Variants in PTPRD observed in about 807,000 individuals in gnomAD.
PTPRD encodes the protein protein tyrosine phosphatase receptor type D, also known as receptor-type tyrosine-protein phosphatase delta.
PTPRD carries 34 observed loss-of-function variants against 214.5 expected under a neutral mutation model. The ratio of observed to expected loss-of-function variants is 0.16; its 90% confidence interval spans 0.12 to 0.21. The LOEUF is 0.21. Among genes scored for constraint, PTPRD ranks in the 10% least tolerant of loss-of-function variants. The pLI, the probability that PTPRD is intolerant of heterozygous loss-of-function variation, is 1.00. For missense variants in PTPRD, 2,545 were observed against 2,398.7 expected, an observed-to-expected ratio of 1.06 and a Z score of -1.27; for synonymous variants, 1,128 against 845.7, an observed-to-expected ratio of 1.33 and a Z score of -5.79.
At chr9:9,583,686 G>A (rs2091333256) in intron 7 of PTPRD, among the ~76,000 whole-genome samples, 1 of 151,994 alleles carries the variant, frequency 6.6e-6, no homozygotes, top group Non-Finnish European at 1.5e-5. Flanking sequence ...CCATGTGAAA[G>A]TTCACAAGAT....
At chr9:10,330,781 T>C (rs1470702464) in intron 3 of PTPRD, among the ~76,000 whole-genome samples, 1 of 151,736 alleles carries the variant, frequency 6.6e-6, no homozygotes, top group Non-Finnish European at 1.5e-5. Context: ...TGACTTAATA[T>C]AGGCAGAGGG....
At chr9:9,407,794 G>A (rs762905209) in intron 8 of PTPRD, among the ~76,000 whole-genome samples, 6 of 151,608 alleles carry the variant, frequency 4.0e-5, no homozygotes, top group Admixed American at 2.6e-4. Flanking sequence ...CCTTGTACAC[G>A]CTAATCATTC....
At chr9:9,260,307 G>T (rs375012814) in intron 9 of PTPRD, among the ~76,000 whole-genome samples, 20 of 151,800 alleles carry the variant, frequency 1.3e-4, no homozygotes, top group African/African-American at 4.8e-4. Context: ...ACATGATCTT[G>T]ACTCCAAAGA....
Position 10,143,040 on chromosome 9 carries a change from C to T in PTPRD, c.-544-109250G>A, listed in dbSNP as rs138120495. Among the ~76,000 whole-genome samples, 213 of 152,024 alleles carry T rather than the reference C, an allele frequency of 1.4e-3. 4 individuals are homozygous for T. The East Asian group carries it at 0.039, about 28-fold the overall frequency. ...ATCACAAGGACAAAAAACCAAACAC[C>T]GCATATTGTCACTCATAGGTGGGAA... is the stretch of plus-strand genomic sequence containing the variant. On this transcript the variant is annotated intron_variant, in intron 3 of 45. Coordinates refer to ENST00000381196, the MANE Select transcript of PTPRD (RefSeq NM_002839.4).
chr9:9,558,344 T>C (rs998344931), intron 8 of PTPRD, among the ~76,000 whole-genome samples: 13 of 152,182 alleles, frequency 8.5e-5, no homozygotes, highest in African/African-American at 3.1e-4. Context: ...CACTGAGTCA[T>C]GCAGAATGTA....
chr9:9,306,056 G>C (rs147917761), intron 9 of PTPRD, among the ~76,000 whole-genome samples: 3 of 152,132 alleles, frequency 2.0e-5, no homozygotes, highest in African/African-American at 4.8e-5. Context: ...CACCAGTACA[G>C]AGTACAATAA....
intron 5 of PTPRD, among the ~76,000 whole-genome samples, chr9:9,831,947 T>A (rs117609045): frequency 0.025 from 3,746 of 152,060 alleles, 56 homozygotes; most frequent in Middle Eastern, 0.058. Flanking sequence ...GCGAATCTCA[T>A]TAAGTGGCAT....
intron 39 of PTPRD, among the ~76,000 whole-genome samples, chr9:8,363,246 G>C (rs2078953266): frequency 6.6e-6 from 1 of 152,122 alleles, no homozygotes; most frequent in African/African-American, 2.4e-5. Context: ...TTAGCTTGGA[G>C]GACAGTATAA....
intron 5 of PTPRD, among the ~76,000 whole-genome samples, chr9:9,779,646 C>A (rs1289317212): frequency 1.3e-5 from 2 of 151,980 alleles, no homozygotes; most frequent in Non-Finnish European, 2.9e-5. Context: ...CAATCAAAAC[C>A]ACAGTGAGAT....
chr9:9,200,551 ACACT>A (rs2099941273), intron 9 of PTPRD, among the ~76,000 whole-genome samples: 1 of 152,210 alleles, frequency 6.6e-6, no homozygotes, highest in African/African-American at 2.4e-5. Flanking sequence ...TAAGGACCCA[ACACT>A]CAGAGAATAA....
At chr9:8,702,325 T>C (rs906165871) in intron 12 of PTPRD, among the ~76,000 whole-genome samples, 1 of 152,172 alleles carries the variant, frequency 6.6e-6, no homozygotes, top group Non-Finnish European at 1.5e-5. Context: ...ACTGTGCTTA[T>C]TTGGTGTGCC....
rs372986430 is a variant in PTPRD at position 9,974,207 on chromosome 9, G to A, written c.-471-35597C>T. Among the ~76,000 whole-genome samples the A allele has an allele frequency of 8.3e-4, 127 of 152,250 alleles. 3 individuals are homozygous for A. In the South Asian group the frequency reaches 0.025, roughly 30 times the overall value. On this transcript the variant is annotated intron_variant, in intron 4 of 45. Transcript: ENST00000381196. ...ATGTGATCTATGACACATATGTAACGATTACATAGCCTCAGTGTTTGATTT... is the reference window on the plus strand; with the variant it reads ...ATGTGATCTATGACACATATGTAACAATTACATAGCCTCAGTGTTTGATTT...
At chr9:9,760,645 CACACACACAT>C (rs578075422) in intron 6 of PTPRD, among the ~76,000 whole-genome samples, 8,848 of 114,380 alleles carry the variant, frequency 0.077, 221 homozygotes, top group Middle Eastern at 0.14. Context: ...CACACACACA[CACACACACAT>C]ATATATATAT....
At chr9:9,701,649 T>C (rs1002783990) in intron 7 of PTPRD, among the ~76,000 whole-genome samples, 1 of 152,056 alleles carries the variant, frequency 6.6e-6, no homozygotes, top group African/African-American at 2.4e-5. Flanking sequence ...CAGAGGAAAA[T>C]AGACAGTACT....
intron 3 of PTPRD, among the ~76,000 whole-genome samples, chr9:10,118,686 G>C (rs925822038): frequency 1.3e-5 from 2 of 151,328 alleles, no homozygotes; most frequent in African/African-American, 4.8e-5. Context: ...AAATTAATAA[G>C]CCTAATGCAT....
chr9:9,963,265 G>T (rs1322561882), intron 4 of PTPRD, among the ~76,000 whole-genome samples: 2 of 152,020 alleles, frequency 1.3e-5, no homozygotes, highest in East Asian at 1.9e-4. Flanking sequence ...AAACACAATT[G>T]TATGTACCTA....
intron 12 of PTPRD, among the ~76,000 whole-genome samples, chr9:8,717,043 C>T: frequency 6.6e-6 from 1 of 152,158 alleles, no homozygotes; most frequent in African/African-American, 2.4e-5. Flanking sequence ...TGGCATGTGC[C>T]TGTAATCCCA....
intron 10 of PTPRD, among the ~76,000 whole-genome samples, chr9:9,095,567 T>A (rs1314140120): frequency 1.3e-5 from 2 of 152,140 alleles, no homozygotes; most frequent in Non-Finnish European, 2.9e-5. Context: ...TGGCCTCAAG[T>A]AATCCTCCTG....
intron 14 of PTPRD, among the ~76,000 whole-genome samples, chr9:8,561,126 T>C (rs943677071): frequency 3.3e-5 from 5 of 152,180 alleles, no homozygotes; most frequent in African/African-American, 4.8e-5. Flanking sequence ...TTTGTTCTGA[T>C]TGATCCCCAC....
Sources: allele counts gnomAD v4.1 joint callset (sites outside exome capture counted in the v4.1 genomes callset), GRCh38; gene constraint gnomAD v4.1.1; transcripts MANE v1.5; gene names NCBI Gene and HGNC (gene_info 2026-07-23, HGNC 2026-07-21).